AUTS2: variants seen among roughly 807,000 people sequenced by gnomAD.
The protein encoded by AUTS2 is activator of transcription and developmental regulator AUTS2.
In AUTS2, 17 loss-of-function variants were observed where a neutral mutation model predicts 112.4. That is an observed-to-expected ratio of 0.15 (90% CI 0.10 to 0.23). The LOEUF is 0.23. Among genes scored for constraint, AUTS2 ranks in the 10% least tolerant of loss-of-function variants. The pLI is 1.00. For missense variants in AUTS2, 1,510 were observed against 1,701.6 expected (o/e 0.89, Z 1.98); for synonymous variants, 751 against 702.7 (o/e 1.07, Z -1.09).
intron 2 of AUTS2, among the ~76,000 whole-genome samples, chr7:70,058,774 C>T (rs1048767331): frequency 7.9e-5 from 12 of 152,036 alleles, no homozygotes; most frequent in Non-Finnish European, 1.6e-4. Context: ...TTATTAGAGA[C>T]TTATCTGAAT....
intron 5 of AUTS2, among the ~76,000 whole-genome samples, chr7:70,487,792 A>G (rs1169679831): frequency 6.6e-6 from 1 of 152,226 alleles, no homozygotes; most frequent in African/African-American, 2.4e-5. Context: ...GAGAGTAGCT[A>G]AGGATAAATC....
intron 14 of AUTS2, chr7:70,781,388 G>C: frequency 1.4e-5 from 4 of 294,904 alleles, no homozygotes; most frequent in Non-Finnish European, 1.8e-5. Flanking sequence ...AAAAAAACCA[G>C]ACCAAACACT....
At chr7:70,488,514 T>C (rs1798107871) in intron 5 of AUTS2, among the ~76,000 whole-genome samples, 2 of 152,114 alleles carry the variant, frequency 1.3e-5, no homozygotes, top group Non-Finnish European at 1.5e-5. Context: ...TCCCCTAACC[T>C]CCAAGCCCTG....
At chr7:70,219,674 C>T (rs1409276779) in intron 4 of AUTS2, among the ~76,000 whole-genome samples, 1 of 151,228 alleles carries the variant, frequency 6.6e-6, no homozygotes, top group Non-Finnish European at 1.5e-5. Flanking sequence ...CGGGTTCAAG[C>T]GATTCTCCTA....
chr7:70,146,394 A>G (rs997381250), intron 4 of AUTS2, among the ~76,000 whole-genome samples: 3 of 151,986 alleles, frequency 2.0e-5, no homozygotes, highest in Admixed American at 2.0e-4. Context: ...ATTAACATGG[A>G]TCTTATTAAC....
At chr7:69,832,028 T>A (rs1053996576) in intron 1 of AUTS2, among the ~76,000 whole-genome samples, 5 of 152,170 alleles carry the variant, frequency 3.3e-5, no homozygotes, top group Non-Finnish European at 5.9e-5. Context: ...ATTTTCAAAA[T>A]ATCCTTTGAA....
intron 1 of AUTS2, among the ~76,000 whole-genome samples, chr7:69,619,146 G>A (rs1793529353): frequency 6.6e-6 from 1 of 152,104 alleles, no homozygotes; most frequent in African/African-American, 2.4e-5. Flanking sequence ...TTTTAATGTG[G>A]TTCTACTTTC....
chr7:69,600,080 GTCTGTCTA>G (rs1792297367), intron 1 of AUTS2, 118 bp downstream of exon 1: 3 of 1,179,410 alleles, frequency 2.5e-6, no homozygotes, highest in Admixed American at 4.1e-5. Flanking sequence ...CTGTCTGTCT[GTCTGTCTA>G]GGCTGAGGTC....
intron 5 of AUTS2, among the ~76,000 whole-genome samples, chr7:70,488,878 G>A (rs1271072844): frequency 6.6e-6 from 1 of 152,132 alleles, no homozygotes; most frequent in African/African-American, 2.4e-5. Flanking sequence ...GACTCTGCCT[G>A]CAGTCCCACC....
intron 1 of AUTS2, among the ~76,000 whole-genome samples, chr7:69,634,367 G>A (rs1337912515): frequency 7.2e-5 from 11 of 152,110 alleles, no homozygotes; most frequent in Non-Finnish European, 8.8e-5. Context: ...TGATCCGCCC[G>A]CCTCGGCCTC....
intron 5 of AUTS2, among the ~76,000 whole-genome samples, chr7:70,444,369 T>A (rs148266829): frequency 0.13 from 18,173 of 143,976 alleles, 1,125 homozygotes; most frequent in Middle Eastern, 0.17. Context: ...TGTGTGTGTG[T>A]GTGTGAGAGA....
At chr7:69,702,576 T>C (rs1352328387) in intron 1 of AUTS2, among the ~76,000 whole-genome samples, 2 of 152,172 alleles carry the variant, frequency 1.3e-5, no homozygotes, top group African/African-American at 4.8e-5. Context: ...GGTTACTACA[T>C]GCTATTTCTA....
chr7:70,498,213 C>T (rs1335158310), intron 5 of AUTS2, among the ~76,000 whole-genome samples: 2 of 152,148 alleles, frequency 1.3e-5, no homozygotes, highest in Non-Finnish European at 2.9e-5. Context: ...AACCGGCATG[C>T]GTTGCCTTCC....
chr7:69,968,706 G>C (rs892645663), intron 2 of AUTS2, among the ~76,000 whole-genome samples: 2 of 152,090 alleles, frequency 1.3e-5, no homozygotes, highest in Admixed American at 6.5e-5. Context: ...CTATAGAATG[G>C]AACTGTGATG....
At chr7:69,662,062 T>C (rs1795823642) in intron 1 of AUTS2, among the ~76,000 whole-genome samples, 2 of 152,094 alleles carry the variant, frequency 1.3e-5, no homozygotes, top group South Asian at 4.2e-4. Context: ...AAGCCAGTAT[T>C]ACCTCCTCTC....
rs1486762346 is a variant in AUTS2, at chr7:70,577,678, C to T, written c.691-120891C>T. Among the ~76,000 whole-genome samples the T allele has an allele frequency of 2.0e-5, 3 of 152,182 alleles. No homozygotes were observed. The South Asian group carries it at 6.2e-4, about 32-fold the overall frequency. On this transcript the variant is annotated intron_variant, in intron 5 of 18. Coordinates refer to ENST00000342771, the MANE Select transcript of AUTS2 (RefSeq NM_015570.4). ...AGCTACGGCAACAGTTTCTTAGTTT[C>T]AGAACATACCATGTGTTTTGTCTGG...
At chr7:70,789,334 G>C (rs561161605) in intron 18 of AUTS2, among the ~76,000 whole-genome samples, 1 of 152,298 alleles carries the variant, frequency 6.6e-6, no homozygotes, top group African/African-American at 2.4e-5. Flanking sequence ...ACTGGGCGTT[G>C]GGCTCTTAAA....
chr7:70,620,239 T>A (rs1260452491), intron 5 of AUTS2, among the ~76,000 whole-genome samples: 1 of 152,230 alleles, frequency 6.6e-6, no homozygotes, highest in Non-Finnish European at 1.5e-5. Flanking sequence ...AGGTGGAATT[T>A]TGTAGCTCAT....
chr7:69,792,946 G>A lies in AUTS2; in HGVS notation c.310-106340G>A, dbSNP rs115187722. Among the ~76,000 whole-genome samples, 179 of 152,208 alleles carry A rather than the reference G, an allele frequency of 1.2e-3. 1 individual carries two copies. Among genetic ancestry groups the A allele is most frequent in the African/African-American group, 3.8e-3 (159 of 41,530 alleles). The stretch of plus-strand genomic sequence containing the variant: ...CTTAGGACCTTCTTTCTCAGGGGCC[G>A]GGCTATTCCAGTGGGTGTGTTATGT... On this transcript the variant is annotated intron_variant, in intron 1 of 18. Coordinates refer to ENST00000342771, the MANE Select transcript of AUTS2 (RefSeq NM_015570.4).
Sources: gnomAD v4.1 joint callset for allele counts (sites outside exome capture counted in the v4.1 genomes callset) on GRCh38, gnomAD v4.1.1 for gene constraint, MANE v1.5 for transcripts, NCBI Gene and HGNC (gene_info 2026-07-23, HGNC 2026-07-21) for gene names.